The following C4orf51 variants were observed in gnomAD, a reference collection of about 807,000 sequenced individuals.
C4orf51 encodes chromosome 4 open reading frame 51, also known as uncharacterized protein C4orf51.
A neutral mutation model predicts 25.2 loss-of-function variants in C4orf51; 25 were observed. That is an observed-to-expected ratio of 0.99 (90% confidence interval 0.72 to 1.39). C4orf51 has a LOEUF of 1.39. Among genes scored for constraint, C4orf51 ranks in the 40% most tolerant of loss-of-function variants. The pLI, the probability that C4orf51 is intolerant of heterozygous loss-of-function variation, is 0.00. For missense variants in C4orf51, 252 were observed against 239.6 expected (o/e 1.05, Z -0.34); for synonymous variants, 100 against 84.5 (o/e 1.18, Z -1.01).
chr4:145,792,381 A>C, the C4orf51 span, among the ~76,000 whole-genome samples: 3 of 152,014 alleles, frequency 2.0e-5, no homozygotes, highest in Non-Finnish European at 4.4e-5. Flanking sequence ...ATAAGAAAAA[A>C]AAAAAGAAAA....
At chr4:145,711,223 C>T (rs1027060506) in intron 2 of C4orf51, among the ~76,000 whole-genome samples, 1 of 152,170 alleles carries the variant, frequency 6.6e-6, no homozygotes, top group Non-Finnish European at 1.5e-5. Context: ...ACTCAGTCCT[C>T]TTTTGTTGAG....
At chr4:145,770,841 A>T (rs951176647) in intron 1 of C4orf51, 1 of 152,248 alleles carries the variant, frequency 6.6e-6, no homozygotes. Context: ...ACTGGGTCAC[A>T]GGGCATTACA....
At chr4:145,775,904 G>A (rs759594001), downstream of C4orf51, 2 of 1,614,190 alleles carry the variant, frequency 1.2e-6, no homozygotes, top group South Asian at 2.2e-5. Flanking sequence ...TGCTGGTTCA[G>A]ATTTGCACGG....
Position 145,732,784 on chromosome 4 carries a change from CCT to C in C4orf51, c.*225_*226del. 1 of 400,480 alleles carries C rather than the reference CCT, an allele frequency of 2.5e-6. No homozygotes were observed. The highest frequency in any genetic ancestry group is 4.4e-6 in the Non-Finnish European group (1 of 225,932). 24.8% of individuals were successfully genotyped at this position (400,480 alleles called of 1,614,324 possible). A position where few individuals can be genotyped will look rare whatever the true frequency, so the allele number is the denominator to read the frequency against. On this transcript the variant is annotated 3_prime_UTR_variant, in exon 6 of 6. Coordinates refer to ENST00000438731, the MANE Select transcript of C4orf51 (RefSeq NM_001080531.3). ...GTTTTTATAATCTTTATTAAATTTT[CCT>C]TTTTAAATAAATACTTGGGACCACA...
At chr4:145,720,236 C>T (rs922714063) in intron 2 of C4orf51, among the ~76,000 whole-genome samples, 2 of 152,124 alleles carry the variant, frequency 1.3e-5, no homozygotes, top group Non-Finnish European at 2.9e-5. Context: ...CCCCAGCTTT[C>T]CTGGGAGAGA....
chr4:145,742,452 C>T (rs1733148361), intron 1 of C4orf51, among the ~76,000 whole-genome samples: 1 of 152,026 alleles, frequency 6.6e-6, no homozygotes, highest in African/African-American at 2.4e-5. Flanking sequence ...ATCTTTGCTC[C>T]AACAAGTCTC....
intron 2 of C4orf51, among the ~76,000 whole-genome samples, chr4:145,716,173 A>T (rs1253360137): frequency 6.6e-6 from 1 of 152,172 alleles, no homozygotes; most frequent in Non-Finnish European, 1.5e-5. Flanking sequence ...TTAACTCAAT[A>T]AAATTTTTTT....
intron 1 of C4orf51, among the ~76,000 whole-genome samples, chr4:145,686,414 G>T (rs961072079): frequency 6.6e-6 from 1 of 152,112 alleles, no homozygotes; most frequent in African/African-American, 2.4e-5. Context: ...TTTCTCTTGT[G>T]TGTATTTTAC....
downstream of C4orf51, among the ~76,000 whole-genome samples, chr4:145,735,134 A>G (rs1732734670): frequency 6.6e-6 from 1 of 152,166 alleles, no homozygotes; most frequent in Non-Finnish European, 1.5e-5. Context: ...ATGGCTTGAG[A>G]GTTCCAGGTC....
At chr4:145,764,748 C>T in intron 1 of C4orf51, 4 of 550,396 alleles carry the variant, frequency 7.3e-6, no homozygotes, top group African/African-American at 1.9e-5. Flanking sequence ...TGTCTTTTTT[C>T]TTGCCCTGAA....
downstream of C4orf51, among the ~76,000 whole-genome samples, chr4:145,736,052 C>T (rs149104204): frequency 1.5e-3 from 223 of 152,190 alleles, 1 homozygote; most frequent in African/African-American, 5.2e-3. Context: ...CCCTAACCCC[C>T]TCTTAGACTT....
chr4:145,772,939 AATTAAATG>A (rs2126927272), downstream of C4orf51, among the ~76,000 whole-genome samples: 1 of 152,348 alleles, frequency 6.6e-6, no homozygotes, highest in African/African-American at 2.4e-5. Flanking sequence ...CACTCACGAC[AATTAAATG>A]ATGACAAGTC....
At chr4:145,752,774 T>A (rs1733740276) in intron 1 of C4orf51, among the ~76,000 whole-genome samples, 1 of 152,198 alleles carries the variant, frequency 6.6e-6, no homozygotes, top group African/African-American at 2.4e-5. Context: ...TTCTGAGCGC[T>A]TTAGCTCACA....
chr4:145,771,814 A>G (rs1736331706), downstream of C4orf51, among the ~76,000 whole-genome samples: 1 of 152,250 alleles, frequency 6.6e-6, no homozygotes, highest in South Asian at 2.1e-4. Context: ...CACTTAGGTA[A>G]CAAGATAGCG....
chr4:145,697,368 G>T (rs1730137938), intron 2 of C4orf51, among the ~76,000 whole-genome samples: 1 of 152,060 alleles, frequency 6.6e-6, no homozygotes, highest in Non-Finnish European at 1.5e-5. Context: ...GGAGTTCTGG[G>T]ATTACAAGCG....
At chr4:145,684,663 G>A (rs771676729) in intron 1 of C4orf51, among the ~76,000 whole-genome samples, 1 of 152,154 alleles carries the variant, frequency 6.6e-6, no homozygotes, top group Non-Finnish European at 1.5e-5. Context: ...ACTGTGGTGG[G>A]GGATGTTGAT....
At chr4:145,739,641 A>G (rs1412266303) in intron 1 of C4orf51, among the ~76,000 whole-genome samples, 8 of 152,238 alleles carry the variant, frequency 5.3e-5, no homozygotes, top group African/African-American at 1.9e-4. Context: ...TTAAAAGTAT[A>G]AGGACAATAG....
In C4orf51 at chr4:145,762,400, A is replaced by T. The variant is rs1310077648; in HGVS notation, n.167-8588A>T. 6.6e-6 allele frequency among the ~76,000 whole-genome samples: 1 copy of T among 152,194 alleles called. No individual in the cohort carries two copies. Among genetic ancestry groups the T allele is most frequent in the Non-Finnish European group, 1.5e-5 (1 of 68,036 alleles). On this transcript the variant is annotated intron_variant and non_coding_transcript_variant, in intron 1 of 1. Coordinates refer to the C4orf51 transcript ENST00000510096. This position sits in a 1 kb window ranked among gnomAD's most constrained non-coding sequence, Gnocchi z 4.9. ...CATTATTAATACATGATTATGCCGG[A>T]GATAGGATAATAATCCAACTGGATT...
At chr4:145,776,060 C>CAA in the C4orf51 span, 1 of 1,353,570 alleles carries the variant, frequency 7.4e-7, no homozygotes, top group Non-Finnish European at 1.0e-6. Flanking sequence ...AAGAATGGTT[C>CAA]AAGTCATATT....
Sources: allele counts gnomAD v4.1 joint callset (sites outside exome capture counted in the v4.1 genomes callset), GRCh38; gene constraint gnomAD v4.1.1; non-coding constraint Gnocchi (gnomAD v3.1); transcripts MANE v1.5; gene names NCBI Gene and HGNC (gene_info 2026-07-23, HGNC 2026-07-21).